The following RAPGEF2 variants were observed in gnomAD, a reference collection of about 807,000 sequenced individuals.
RAPGEF2 encodes the protein Rap guanine nucleotide exchange factor 2, also known as PDZ domain containing guanine nucleotide exchange factor (GEF) 1.
Under a neutral mutation model 186.7 loss-of-function variants are expected in RAPGEF2, and 54 were observed. The observed-to-expected ratio is 0.29, with a 90% CI of 0.23 to 0.36. The LOEUF is 0.36. RAPGEF2 is among the 10% of genes least tolerant of loss of function. The pLI is 1.00. For missense variants in RAPGEF2, 1,532 were observed against 2,045.0 expected, an observed-to-expected ratio of 0.75 and a Z score of 4.84; for synonymous variants, 712 against 705.9, an observed-to-expected ratio of 1.01 and a Z score of -0.14.
chr4:159,331,899 T>A, intron 15 of RAPGEF2, 27 bp from the exon 16 acceptor site: 1 of 1,591,480 alleles, frequency 6.3e-7, no homozygotes, highest in Middle Eastern at 1.7e-4. Flanking sequence ...CAGTCAATTT[T>A]GATACATTTT....
chr4:159,245,279 A>G (rs938487722), intron 7 of RAPGEF2, among the ~76,000 whole-genome samples: 3 of 152,086 alleles, frequency 2.0e-5, no homozygotes, highest in Non-Finnish European at 2.9e-5. Context: ...TGCAGAGAGA[A>G]TAGCATTTTA....
intron 17 of RAPGEF2, among the ~76,000 whole-genome samples, chr4:159,334,087 T>G (rs1767063041): frequency 2.0e-5 from 3 of 152,182 alleles, no homozygotes; most frequent in Admixed American, 2.0e-4. Context: ...GTGAGTAGTA[T>G]TTATAGGCTC....
At chr4:159,268,457 G>T (rs1757705256) in intron 7 of RAPGEF2, among the ~76,000 whole-genome samples, 1 of 152,028 alleles carries the variant, frequency 6.6e-6, no homozygotes, top group Non-Finnish European at 1.5e-5. Context: ...GAAATATTGG[G>T]CAGCTAATTT....
At chr4:159,320,166 CAG>C (rs1168802089) in intron 9 of RAPGEF2, among the ~76,000 whole-genome samples, 4 of 152,092 alleles carry the variant, frequency 2.6e-5, no homozygotes, top group African/African-American at 9.7e-5. Flanking sequence ...CTAAAGAAAA[CAG>C]AGGCTGGAAG....
At chr4:159,262,442 T>A (rs184350482) in intron 7 of RAPGEF2, among the ~76,000 whole-genome samples, 1 of 152,258 alleles carries the variant, frequency 6.6e-6, no homozygotes, top group East Asian at 1.9e-4. Flanking sequence ...AGAAAAAGCA[T>A]GGAAATAATT....
intron 1 of RAPGEF2, among the ~76,000 whole-genome samples, chr4:159,128,521 T>A (rs1323053457): frequency 6.6e-6 from 1 of 152,096 alleles, no homozygotes; most frequent in Non-Finnish European, 1.5e-5. Context: ...GGCTAAGATC[T>A]TCTTAATATT....
intron 1 of RAPGEF2, among the ~76,000 whole-genome samples, chr4:159,106,652 A>G (rs150156779): frequency 0.01 from 1,590 of 152,332 alleles, 29 homozygotes; most frequent in African/African-American, 0.036. Context: ...AGGAGTTTGC[A>G]TGATTCTCGT....
chr4:159,228,452 C>CG (rs1298078715), intron 4 of RAPGEF2: 1 of 152,082 alleles, frequency 6.6e-6, no homozygotes, highest in Non-Finnish European at 1.5e-5. Flanking sequence ...GAGGAATGAA[C>CG]GGGGGAATAG....
Position 159,332,520 on chromosome 4 carries a change from G to A in RAPGEF2, c.1958G>A (p.Gly653Asp). The change falls in exon 17 of 30, where the codon GGT becomes GAT. Residue 653 changes from glycine to aspartate, a missense_variant. By Grantham distance (94) the Gly-to-Asp change is moderately conservative. Coordinates refer to ENST00000691494, the MANE Select transcript of RAPGEF2 (RefSeq NM_001394067.2). ...GGTGCCCCCCACCTTCCTAAAATTG[G>A]TGACATTAAAAAGGCCAGTCGCTAC... ...RNGAPHLPKI[G>D]DIKKASRYSI... 1 of 1,614,064 alleles carries A rather than the reference G, an allele frequency of 6.2e-7. No homozygotes were observed.
intron 7 of RAPGEF2, among the ~76,000 whole-genome samples, chr4:159,247,492 TTGAAAGTTGAAC>T (rs1379819559): frequency 6.6e-6 from 1 of 152,224 alleles, no homozygotes; most frequent in Non-Finnish European, 1.5e-5. Context: ...GAAAGCCATG[TTGAAAGTTGAAC>T]TTTTTCATGA....
chr4:159,104,533 A>T (rs1451521202), intron 1 of RAPGEF2, among the ~76,000 whole-genome samples: 2 of 108,948 alleles, frequency 1.8e-5, no homozygotes, highest in Admixed American at 1.9e-4. Flanking sequence ...AGAGGGAGAG[A>T]CAGAGAGAGA....
intron 7 of RAPGEF2, among the ~76,000 whole-genome samples, chr4:159,273,665 T>G (rs1254524631): frequency 2.0e-5 from 3 of 149,994 alleles, no homozygotes; most frequent in Non-Finnish European, 4.5e-5. Context: ...TTTCTTTCTT[T>G]CTTTCTTTCT....
intron 1 of RAPGEF2, among the ~76,000 whole-genome samples, chr4:159,106,117 C>G (rs1737848686): frequency 6.6e-6 from 1 of 152,244 alleles, no homozygotes; most frequent in Non-Finnish European, 1.5e-5. Flanking sequence ...CAACACAGAA[C>G]TTGGCCTGGG....
At chr4:159,215,034 T>G (rs1259911713) in intron 4 of RAPGEF2, among the ~76,000 whole-genome samples, 1 of 152,136 alleles carries the variant, frequency 6.6e-6, no homozygotes, top group Non-Finnish European at 1.5e-5. Flanking sequence ...TGCAAAGTTT[T>G]GTAGTTTTAG....
chr4:159,317,528 C>G (rs376476582), intron 9 of RAPGEF2, among the ~76,000 whole-genome samples: 1 of 152,138 alleles, frequency 6.6e-6, no homozygotes, highest in Non-Finnish European at 1.5e-5. Flanking sequence ...TGTTTCACCC[C>G]CTGAAGACTT....
At chr4:159,350,106 C>T in intron 25 of RAPGEF2, 31 bp from the exon 26 acceptor site, 3 of 1,393,690 alleles carry the variant, frequency 2.2e-6, no homozygotes, top group South Asian at 1.5e-5. Flanking sequence ...CTTGAAAATA[C>T]ATATTTAAGG....
chr4:159,149,822 T>C (rs1401731512), intron 1 of RAPGEF2, among the ~76,000 whole-genome samples: 8 of 152,208 alleles, frequency 5.3e-5, no homozygotes, highest in Admixed American at 1.3e-4. Context: ...CCATTGTTTG[T>C]TTTAGTGCAG....
intron 7 of RAPGEF2, among the ~76,000 whole-genome samples, chr4:159,245,216 A>G (rs1469787037): frequency 6.6e-6 from 1 of 152,198 alleles, no homozygotes; most frequent in East Asian, 1.9e-4. Flanking sequence ...ATGAATACTC[A>G]TAGTCCATGT....
chr4:159,135,790 G>A (rs2111146885), intron 1 of RAPGEF2, among the ~76,000 whole-genome samples: 2 of 151,670 alleles, frequency 1.3e-5, no homozygotes, highest in South Asian at 4.2e-4. Flanking sequence ...AGAGAGATGG[G>A]GTTTCACCAT....
Sources: gnomAD v4.1 joint callset for allele counts (sites outside exome capture counted in the v4.1 genomes callset) on GRCh38, gnomAD v4.1.1 for gene constraint, MANE v1.5 for transcripts, NCBI Gene and HGNC (gene_info 2026-07-23, HGNC 2026-07-21) for gene names.